Variants in CDC42BPB observed in about 807,000 individuals in gnomAD.
The protein encoded by CDC42BPB is serine/threonine-protein kinase MRCK beta.
A neutral mutation model predicts 214.9 loss-of-function variants in CDC42BPB; 37 were observed. That is an observed-to-expected ratio of 0.17 (90% CI 0.13 to 0.23). The LOEUF (loss-of-function observed/expected upper bound fraction) is 0.23, where lower values mean the gene tolerates loss of function less well. Ranked by LOEUF, CDC42BPB falls within the 10% of genes least tolerant of loss-of-function variation. The pLI, the probability that CDC42BPB is intolerant of heterozygous loss-of-function variation, is 1.00. For missense variants in CDC42BPB, 1,694 were observed against 2,227.0 expected (o/e 0.76, Z 4.82); for synonymous variants, 931 against 884.0 (o/e 1.05, Z -0.94).
chr14:102,951,361 G>A (rs36125606), intron 24 of CDC42BPB, among the ~76,000 whole-genome samples: 4 of 152,364 alleles, frequency 2.6e-5, no homozygotes, highest in Non-Finnish European at 4.4e-5. Context: ...GAGCCAGTGC[G>A]AGTCTGGGCT....
intron 14 of CDC42BPB, 145 bp from the exon 15 acceptor site, chr14:102,968,861 C>G (rs1845661423): frequency 6.8e-7 from 1 of 1,475,150 alleles, no homozygotes; most frequent in Non-Finnish European, 8.9e-7. Context: ...CGTAGCTGAC[C>G]TGGCTAACGT....
At chr14:102,966,433 G>A in intron 17 of CDC42BPB, 46 bp from the exon 18 acceptor site, 1 of 1,604,148 alleles carries the variant, frequency 6.2e-7, no homozygotes, top group Non-Finnish European at 8.5e-7. Context: ...ATGGCTATCA[G>A]GGAGAAGCCA....
At chr14:102,966,790 GTC>G (rs1486673596) in intron 17 of CDC42BPB, among the ~76,000 whole-genome samples, 8 of 152,178 alleles carry the variant, frequency 5.3e-5, no homozygotes, top group Non-Finnish European at 1.0e-4. Context: ...TGCCTCCCCT[GTC>G]TCTGAGAACG....
intron 5 of CDC42BPB, among the ~76,000 whole-genome samples, chr14:102,997,333 T>A (rs1025724835): frequency 6.6e-6 from 1 of 151,984 alleles, no homozygotes; most frequent in East Asian, 1.9e-4. Context: ...CAGACACACA[T>A]GGAATAAAGG....
chr14:103,002,251 AGCC>A (rs1450456125), intron 4 of CDC42BPB, among the ~76,000 whole-genome samples: 1 of 152,142 alleles, frequency 6.6e-6, no homozygotes, highest in Non-Finnish European at 1.5e-5. Context: ...GCACCGCAGA[AGCC>A]GGCCCCGCAG....
chr14:102,948,834 C>G (rs892670300), intron 26 of CDC42BPB, among the ~76,000 whole-genome samples: 1 of 152,010 alleles, frequency 6.6e-6, no homozygotes, highest in South Asian at 2.1e-4. Context: ...GCCAACTTTT[C>G]GTCTACCAGT....
At chr14:103,051,107 C>T (rs1888579069) in intron 1 of CDC42BPB, among the ~76,000 whole-genome samples, 2 of 119,012 alleles carry the variant, frequency 1.7e-5, no homozygotes, top group Admixed American at 1.2e-4. Flanking sequence ...TAAAATCAAA[C>T]TGAAACTTGA....
chr14:103,048,532 C>CAAAAAAAAAAAA (rs71119751), intron 1 of CDC42BPB, among the ~76,000 whole-genome samples: 29 of 42,654 alleles, frequency 6.8e-4, no homozygotes, highest in East Asian at 8.9e-4. Context: ...ACTAAAAATA[C>CAAAAAAAAAAAA]AAAAAAAAAA....
chr14:102,976,164 C>T (rs1893733550), intron 9 of CDC42BPB, 115 bp from the exon 10 acceptor site: 2 of 1,496,124 alleles, frequency 1.3e-6, no homozygotes, highest in Admixed American at 2.3e-5. Context: ...ACAAAAACAC[C>T]TGAGATAAGA....
At chr14:102,988,671 G>A (rs10140685) in intron 5 of CDC42BPB, among the ~76,000 whole-genome samples, 17,623 of 151,992 alleles carry the variant, frequency 0.12, 1,896 homozygotes, top group African/African-American at 0.29. Context: ...AAGATAATAC[G>A]AATCACTGGG....
At chr14:102,954,939 G>C (rs949312829) in intron 21 of CDC42BPB, 1 of 302,186 alleles carries the variant, frequency 3.3e-6, no homozygotes, top group African/African-American at 2.3e-5. Context: ...GGCAGGTGGA[G>C]TCTGACAAGT....
In CDC42BPB at chr14:102,966,285, T is replaced by G. The variant is rs900504179; in HGVS notation, c.2574A>C (p.Thr858=). ...ALRSSSLGSR[T]LDPLWKVRRS... The stretch of plus-strand genomic sequence containing the variant: ...GCAGGCATTACACAAAACCTACCAG[T>G]GTTCTTGACCCCAGACTAGAACTCC... The change falls in exon 18 of 37, where the codon ACA becomes ACC. Residue 858 remains threonine (T), a synonymous_variant. Transcript: ENST00000361246. The G allele has an allele frequency of 6.2e-7, 1 of 1,610,116 alleles. No homozygotes were observed. Among genetic ancestry groups the G allele is most frequent in the Admixed American group, 1.7e-5 (1 of 59,988 alleles).
intron 5 of CDC42BPB, among the ~76,000 whole-genome samples, chr14:102,999,283 G>A (rs538939260): frequency 6.6e-6 from 1 of 152,026 alleles, no homozygotes; most frequent in African/African-American, 2.4e-5. Flanking sequence ...TAGGGAGGGG[G>A]TCTCAGACGG....
chr14:103,035,482 G>C (rs894847637), intron 1 of CDC42BPB, among the ~76,000 whole-genome samples: 2 of 151,742 alleles, frequency 1.3e-5, no homozygotes, highest in African/African-American at 4.8e-5. Flanking sequence ...AGGATCACTT[G>C]AGCCCAGGAA....
chr14:103,053,712 A>AAT (rs1888777360), intron 1 of CDC42BPB, among the ~76,000 whole-genome samples: 1 of 150,534 alleles, frequency 6.6e-6, no homozygotes, highest in Non-Finnish European at 1.5e-5. Flanking sequence ...CAGTGAGCCG[A>AAT]GATCCCGCCA....
chr14:102,950,188 A>G (rs1249062695), intron 25 of CDC42BPB: 37 of 788,112 alleles, frequency 4.7e-5, no homozygotes, highest in Non-Finnish European at 5.2e-5. Context: ...GGCCTGGCAC[A>G]GTGGCTTTCA....
chr14:102,973,542 C>T (rs919705516), intron 12 of CDC42BPB, among the ~76,000 whole-genome samples: 1 of 152,214 alleles, frequency 6.6e-6, no homozygotes, highest in African/African-American at 2.4e-5. Context: ...CTTCTAAGAG[C>T]AGAGGCCTGG....
chr14:102,999,620 T>C lies in CDC42BPB; in HGVS notation c.541A>G (p.Ile181Val). 2 of 1,614,166 alleles carry C rather than the reference T, an allele frequency of 1.2e-6. No individual in the cohort carries two copies. The highest frequency in any genetic ancestry group is 1.7e-6 in the Non-Finnish European group (2 of 1,180,010). ...KLPEDMARFY[I>V]GEMVLAIDSI... ...TCAATGGCCAGCACCATTTCACCAA[T>C]GTAGAACCTCGCCATATCTTCCGGA... The change falls in exon 5 of 37, where the codon ATT becomes GTT. Residue 181 changes from isoleucine (I) to valine (V), a missense_variant. Coordinates refer to ENST00000361246, the MANE Select transcript of CDC42BPB (RefSeq NM_006035.4).
At position 102,945,645 on chromosome 14, in the gene CDC42BPB, A is replaced by G; in HGVS notation, c.3811+17T>C. On this transcript the variant is annotated intron_variant, in intron 29 of 36. Coordinates refer to ENST00000361246, the MANE Select transcript of CDC42BPB (RefSeq NM_006035.4). ...GGGCCTGTGACATCCCAGGCTGGAA[A>G]CGCCCTGCTCACTCACCATCTCGGG... 6.2e-7 allele frequency: 1 copy of G among 1,611,338 alleles called. No homozygotes were observed. Among genetic ancestry groups the G allele is most frequent in the Non-Finnish European group, 8.5e-7 (1 of 1,178,814 alleles).
Sources: gnomAD v4.1 joint callset for allele counts (sites outside exome capture counted in the v4.1 genomes callset) on GRCh38, gnomAD v4.1.1 for gene constraint, MANE v1.5 for transcripts, NCBI Gene and HGNC (gene_info 2026-07-23, HGNC 2026-07-21) for gene names.